TTC5: variants seen among roughly 807,000 people sequenced by gnomAD.
TTC5 encodes tetratricopeptide repeat protein 5.
Under a neutral mutation model 57.4 loss-of-function variants are expected in TTC5, and 46 were observed. The observed-to-expected ratio is 0.80, with a 90% CI of 0.63 to 1.03. The LOEUF (loss-of-function observed/expected upper bound fraction) is 1.03. TTC5 is among the 50% of genes least tolerant of loss of function. The pLI is 0.00. For synonymous variants in TTC5, 190 were observed against 203.5 expected (o/e 0.93, Z 0.57); for missense variants, 504 against 528.1 (o/e 0.95, Z 0.45).
chr14:20,296,520 G>A (rs1205121441), intron 5 of TTC5, 74 bp from the exon 6 acceptor site: 19 of 1,158,286 alleles, frequency 1.6e-5, no homozygotes, highest in Non-Finnish European at 2.1e-5. Context: ...CATGTCCTAC[G>A]CCTCCTCTTT....
chr14:20,287,365 A>C lies in TTC5; in HGVS notation c.*2262T>G, dbSNP rs552114882. Reference sequence around the variant, plus strand: ...CTGTAAAAGAAACTTTTGCACTTACATATCAGGACATATACAAGAATATTA... The same window carrying C: ...CTGTAAAAGAAACTTTTGCACTTACCTATCAGGACATATACAAGAATATTA... On this transcript the variant is annotated 3_prime_UTR_variant, in exon 10 of 10. Transcript: ENST00000258821. 4 of 152,248 alleles carry C rather than the reference A, an allele frequency of 2.6e-5. No individual in the cohort carries two copies. Among genetic ancestry groups the C allele is most frequent in the Non-Finnish European group, 5.9e-5 (4 of 68,052 alleles). 9.4% of individuals were successfully genotyped at this position (152,248 alleles called of 1,614,324 possible).
chr14:20,297,964 T>C (rs1415710900), intron 5 of TTC5, among the ~76,000 whole-genome samples: 1 of 151,396 alleles, frequency 6.6e-6, no homozygotes, highest in Admixed American at 6.6e-5. Context: ...GTGGGGAGAG[T>C]GGCAGGAGGG....
At chr14:20,304,308 A>AGCACCCTCTGCAAATTTTATTT (rs1405411344) in intron 1 of TTC5, among the ~76,000 whole-genome samples, 1 of 152,220 alleles carries the variant, frequency 6.6e-6, no homozygotes, top group African/African-American at 2.4e-5. Flanking sequence ...GGAACAGACT[A>AGCACCCTCTGCAAATTTTATTT]GCACCCTCTG....
chr14:20,287,464 T>C lies in TTC5; in HGVS notation c.*2163A>G, dbSNP rs72671233. 14,565 of 152,202 alleles carry C rather than the reference T, an allele frequency of 0.096. 904 individuals carry two copies. Among genetic ancestry groups the C allele is most frequent in the East Asian group, 0.17 (906 of 5,188 alleles). 9.4% of individuals were successfully genotyped at this position (152,202 alleles called of 1,614,324 possible). A position where few individuals can be genotyped will look rare whatever the true frequency, so the allele number is the denominator to read the frequency against. ...ATCCTTTAACAACAGGATGAATAAA[T>C]TATGGTATAATCATACAATGAGATT... On this transcript the variant is annotated 3_prime_UTR_variant, in exon 10 of 10. Coordinates refer to ENST00000258821, the MANE Select transcript of TTC5 (RefSeq NM_138376.3).
chr14:20,296,108 G>C (rs1424016966), intron 6 of TTC5, among the ~76,000 whole-genome samples: 1 of 152,070 alleles, frequency 6.6e-6, no homozygotes, highest in Admixed American at 6.5e-5. Context: ...GTATATATTG[G>C]CTCACTTGAC....
intron 8 of TTC5, chr14:20,294,542 A>G (rs1882021812): frequency 6.6e-6 from 1 of 152,252 alleles, no homozygotes; most frequent in East Asian, 1.9e-4. Flanking sequence ...ATAGTGAGAG[A>G]TAAGTCAGAA....
In TTC5 at chr14:20,305,810, C is replaced by T. The variant is rs186106185; in HGVS notation, c.51+77G>A. 196 of 1,389,462 alleles carry T rather than the reference C, an allele frequency of 1.4e-4. 1 individual carries two copies. The East Asian group carries it at 4.4e-3, about 31-fold the overall frequency. 86.1% of individuals were successfully genotyped at this position (1,389,462 alleles called of 1,614,324 possible). A position where few individuals can be genotyped will look rare whatever the true frequency, so the allele number is the denominator to read the frequency against. ...CTTCGCGTGTGTGCCGAGGAATTCACGGGCAGTACATAAACTGGACTCCCT... is the reference window on the plus strand; with the variant it reads ...CTTCGCGTGTGTGCCGAGGAATTCATGGGCAGTACATAAACTGGACTCCCT... On this transcript the variant is annotated intron_variant, in intron 1 of 9. Coordinates refer to ENST00000258821, the MANE Select transcript of TTC5 (RefSeq NM_138376.3).
At chr14:20,298,462 T>C (rs986496643) in intron 5 of TTC5, among the ~76,000 whole-genome samples, 4 of 152,156 alleles carry the variant, frequency 2.6e-5, no homozygotes. Context: ...TGTACAAAAA[T>C]ATTAATAAGT....
Position 20,292,000 on chromosome 14 carries a change from T to G in TTC5, c.1186A>C (p.Ile396Leu). ...IPEPNLRLHRIQHKGKDYSFS... is the reference protein window; with the variant it reads ...IPEPNLRLHRLQHKGKDYSFS... ...TTGCTCACCTTTCCTTTGTGCTGAATTCGGTGAAGCCGCAGGTTGGGCTCA... is the reference window on the plus strand; with the variant it reads ...TTGCTCACCTTTCCTTTGTGCTGAAGTCGGTGAAGCCGCAGGTTGGGCTCA... The change falls in exon 9 of 10, where the codon ATT becomes CTT. Residue 396 changes from isoleucine (I) to leucine (L), a missense_variant. Transcript: ENST00000258821. 3.8e-6 allele frequency: 6 copies of G among 1,590,604 alleles called. No homozygotes were observed. The highest frequency in any genetic ancestry group is 5.1e-6 in the Non-Finnish European group (6 of 1,168,896).
chr14:20,304,329 T>C (rs1469685087), intron 1 of TTC5, among the ~76,000 whole-genome samples: 1 of 152,220 alleles, frequency 6.6e-6, no homozygotes, highest in Non-Finnish European at 1.5e-5. Flanking sequence ...CAAATTTTAT[T>C]GTATTATATC....
At chr14:20,303,025 C>A (rs1014276708) in intron 1 of TTC5, among the ~76,000 whole-genome samples, 1 of 151,942 alleles carries the variant, frequency 6.6e-6, no homozygotes, top group African/African-American at 2.4e-5. Context: ...AACCCGGTCT[C>A]TACTAAAAAT....
In TTC5 at chr14:20,289,568, C is replaced by T. The variant is rs1223603444; in HGVS notation, c.*59G>A. 54 of 1,547,660 alleles carry T rather than the reference C, an allele frequency of 3.5e-5. No individual in the cohort carries two copies. Among genetic ancestry groups the T allele is most frequent in the Non-Finnish European group, 4.0e-5 (46 of 1,146,268 alleles). ...GCTGAATCACTGGATGTGGCTGGACCGGCTGTCCAGAGCCTTGTCTCCTCT... is the reference window on the plus strand; with the variant it reads ...GCTGAATCACTGGATGTGGCTGGACTGGCTGTCCAGAGCCTTGTCTCCTCT... On this transcript the variant is annotated 3_prime_UTR_variant, in exon 10 of 10. Transcript: ENST00000258821.
intron 7 of TTC5, 35 bp downstream of exon 7, chr14:20,295,673 A>C (rs1349596200): frequency 1.3e-6 from 2 of 1,571,064 alleles, no homozygotes; most frequent in Non-Finnish European, 1.7e-6. Flanking sequence ...AATAAAAAAA[A>C]AAAAAGTGGA....
chr14:20,293,138 T>C (rs975604400), intron 8 of TTC5: 4 of 152,224 alleles, frequency 2.6e-5, no homozygotes, highest in Non-Finnish European at 5.9e-5. Context: ...TAAAGTATAT[T>C]GATCTCTGCA....
intron 1 of TTC5, chr14:20,305,591 T>C: frequency 2.0e-6 from 1 of 506,204 alleles, no homozygotes; most frequent in Admixed American, 3.5e-5. Context: ...TATATGCTAT[T>C]CGCTATGGAT....
In TTC5 at chr14:20,292,001, T is replaced by G; in HGVS notation, c.1185A>C (p.Arg395=). 6.3e-7 allele frequency: 1 copy of G among 1,589,820 alleles called. No homozygotes were observed. Among genetic ancestry groups the G allele is most frequent in the Non-Finnish European group, 8.6e-7 (1 of 1,168,482 alleles). ...TGCTCACCTTTCCTTTGTGCTGAAT[T>G]CGGTGAAGCCGCAGGTTGGGCTCAG... ...AIPEPNLRLH[R]IQHKGKDYSF... Residue 395 remains arginine, a synonymous_variant, in exon 9 of 10, where the codon CGA becomes CGC. Transcript: ENST00000258821.
intron 1 of TTC5, among the ~76,000 whole-genome samples, chr14:20,303,754 T>G (rs1259128542): frequency 3.3e-5 from 5 of 152,182 alleles, no homozygotes; most frequent in Admixed American, 3.3e-4. Context: ...CCTAGAAGAC[T>G]GTATGAGCTG....
rs1881964515 is a variant in TTC5 at position 20,292,037 on chromosome 14, A to G, written c.1149T>C (p.Ser383=). The G allele has an allele frequency of 6.3e-7, 1 of 1,597,226 alleles. No homozygotes were observed. The change falls in exon 9 of 10, where the codon TCT becomes TCC. Residue 383 remains serine, a synonymous_variant. Coordinates refer to ENST00000258821, the MANE Select transcript of TTC5 (RefSeq NM_138376.3). ...GCAGGTTGGGCTCAGGAATGGCTAC[A>G]GAGTCTCCAATGAGCACTCCCCAGC... ...VQSWGVLIGD[S]VAIPEPNLRL...
intron 6 of TTC5, 152 bp downstream of exon 6, chr14:20,296,238 A>G: frequency 1.4e-6 from 1 of 722,748 alleles, no homozygotes; most frequent in Admixed American, 2.2e-5. Flanking sequence ...TACTGAAGCC[A>G]AACCGAGCTA....
Sources: gnomAD v4.1 joint callset for allele counts (sites outside exome capture counted in the v4.1 genomes callset) on GRCh38, gnomAD v4.1.1 for gene constraint, MANE v1.5 for transcripts, NCBI Gene and HGNC (gene_info 2026-07-23, HGNC 2026-07-21) for gene names.